The following DBX2 variants were observed in gnomAD, a reference collection of about 807,000 sequenced individuals.
The protein encoded by DBX2 is developing brain homeobox 2.
In DBX2, 16 loss-of-function variants were observed where a neutral mutation model predicts 17.7. That is an observed-to-expected ratio of 0.90 (90% CI 0.61 to 1.37). The LOEUF (loss-of-function observed/expected upper bound fraction) is 1.37, where lower values mean the gene tolerates loss of function less well. Among genes scored for constraint, DBX2 ranks in the 40% most tolerant of loss-of-function variants. The probability of loss-of-function intolerance (pLI) is 0.00; values close to 1 mark genes in which losing one functional copy is unlikely to be tolerated. For missense variants in DBX2, 538 were observed against 433.8 expected, an observed-to-expected ratio of 1.24 and a Z score of -2.13; for synonymous variants, 255 against 183.8, an observed-to-expected ratio of 1.39 and a Z score of -3.13.
In DBX2 at chr12:45,016,627, A is replaced by G; in HGVS notation, c.688-9T>C. The G allele has an allele frequency of 6.6e-7, 1 of 1,516,358 alleles. No homozygotes were observed. The highest frequency in any genetic ancestry group is 2.3e-5 in the East Asian group (1 of 43,678). 93.9% of individuals were successfully genotyped at this position (1,516,358 alleles called of 1,614,324 possible). ...TGAAACCAAATTTTCACCTATTGAC[A>G]AAATAATTGCACAAAATGATCACTT... On this transcript the variant is annotated splice_polypyrimidine_tract_variant and intron_variant, in intron 3 of 3. Coordinates refer to ENST00000332700, the MANE Select transcript of DBX2 (RefSeq NM_001004329.3).
At chr12:45,050,395 G>T in intron 1 of DBX2, 130 bp downstream of exon 1, 3 of 1,293,166 alleles carry the variant, frequency 2.3e-6, no homozygotes, top group Non-Finnish European at 3.1e-6. Flanking sequence ...ACTAAAGCTC[G>T]AGATGCTCCA....
chr12:45,035,836 A>G (rs1946437170), intron 2 of DBX2, among the ~76,000 whole-genome samples, 183 bp downstream of exon 2: 1 of 152,160 alleles, frequency 6.6e-6, no homozygotes, highest in African/African-American at 2.4e-5. Context: ...ACTGCTCACA[A>G]TTGCTCAGTG....
intron 1 of DBX2, among the ~76,000 whole-genome samples, chr12:45,042,943 G>C (rs1485018465): frequency 5.3e-5 from 8 of 152,120 alleles, no homozygotes; most frequent in Admixed American, 3.3e-4. Flanking sequence ...ACCCTTCAGG[G>C]AGTCTCAATT....
At chr12:45,047,327 T>A (rs896205917) in intron 1 of DBX2, among the ~76,000 whole-genome samples, 1 of 152,158 alleles carries the variant, frequency 6.6e-6, no homozygotes, top group African/African-American at 2.4e-5. Context: ...TAAACTATAA[T>A]ACAACCATGA....
In DBX2 at chr12:45,016,515, G is replaced by A; in HGVS notation, c.791C>T (p.Pro264Leu). The A allele has an allele frequency of 2.5e-6, 4 of 1,612,570 alleles. No individual in the cohort carries two copies. Among genetic ancestry groups the A allele is most frequent in the Non-Finnish European group, 3.4e-6 (4 of 1,179,486 alleles). ...CIQEVGLQED[P>L]LSRSALGFPS... ...GAAACCCAGAGCAGACCGTGAGAGG[G>A]GATCCTCTTGAAGACCTACTTCTTG... Residue 264 changes from proline (P) to leucine (L), a missense_variant, in exon 4 of 4, where the codon CCC (proline) becomes CTC (leucine). Coordinates refer to ENST00000332700, the MANE Select transcript of DBX2 (RefSeq NM_001004329.3).
In DBX2 at chr12:45,029,819, A is replaced by C. The variant is rs1946399207; in HGVS notation, c.500-5925T>G. Among the ~76,000 whole-genome samples, 3 of 152,008 alleles carry C rather than the reference A, an allele frequency of 2.0e-5. No individual in the cohort carries two copies. In the South Asian group the frequency reaches 6.2e-4, roughly 32 times the overall value. On this transcript the variant is annotated intron_variant, in intron 2 of 3. Transcript: ENST00000332700. ...GCACAGGTTGTAGCAAGCCGAGATC[A>C]TGCCACTGCACTCCAGGCTAGACGG...
At chr12:45,020,433 C>A (rs999337316) in intron 3 of DBX2, among the ~76,000 whole-genome samples, 2 of 151,958 alleles carry the variant, frequency 1.3e-5, no homozygotes, top group Non-Finnish European at 2.9e-5. Flanking sequence ...TTTGTCTACA[C>A]ACTGAGTAAT....
chr12:45,043,128 A>G (rs1946480714), intron 1 of DBX2, among the ~76,000 whole-genome samples: 2 of 152,202 alleles, frequency 1.3e-5, no homozygotes, highest in African/African-American at 4.8e-5. Context: ...AGACAGACCT[A>G]GCAGGAAGTG....
chr12:45,016,553 G>A lies in DBX2; in HGVS notation c.753C>T (p.Ser251=), dbSNP rs946909885. The change falls in exon 4 of 4, where the codon TCC becomes TCT. Residue 251 remains serine, a synonymous_variant. Transcript: ENST00000332700. ...GACCTACTTCTTGGATACACCTGTTGGAAAGCACTTCCTTTTCTTTGGAAT... is the reference window on the plus strand; with the variant it reads ...GACCTACTTCTTGGATACACCTGTTAGAAAGCACTTCCTTTTCTTTGGAAT... The part of the protein sequence containing the change: ...WRNSKEKEVL[S]NRCIQEVGLQ... 3.8e-6 allele frequency: 6 copies of A among 1,581,880 alleles called. No individual in the cohort carries two copies. In the East Asian group the frequency reaches 1.4e-4, roughly 36 times the overall value.
At chr12:45,049,991 G>C (rs138130682) in intron 1 of DBX2, among the ~76,000 whole-genome samples, 37 of 152,144 alleles carry the variant, frequency 2.4e-4, no homozygotes, top group African/African-American at 8.4e-4. Flanking sequence ...GAGAAAGCCA[G>C]AACTTTGCGC....
At chr12:45,018,949 G>A (rs1214116366) in intron 3 of DBX2, among the ~76,000 whole-genome samples, 4 of 151,522 alleles carry the variant, frequency 2.6e-5, no homozygotes, top group African/African-American at 9.7e-5. Flanking sequence ...GTCATTAATA[G>A]AAACATAAAG....
At position 45,023,913 on chromosome 12, in the gene DBX2, G is replaced by C. The variant is rs780081760; in HGVS notation, c.500-19C>G. 3.2e-5 allele frequency: 49 copies of C among 1,530,736 alleles called. No homozygotes were observed. Among genetic ancestry groups the C allele is most frequent in the Middle Eastern group, 1.8e-4 (1 of 5,656 alleles). The allele number at this position is 1,530,736 out of a possible 1,614,324, so 94.8% of individuals were successfully genotyped here. On this transcript the variant is annotated intron_variant, in intron 2 of 3. Coordinates refer to ENST00000332700, the MANE Select transcript of DBX2 (RefSeq NM_001004329.3). ...TCTTCTCCTAGAGTCGAGGGAAAAA[G>C]ATACAAAAGCCCAGTTAGCTTTAGA...
rs1349405735 is a variant in DBX2, at chr12:45,022,296, C to G, written c.687+1411G>C. 4.4e-5 allele frequency among the ~76,000 whole-genome samples: 4 copies of G among 91,282 alleles called. No individual in the cohort carries two copies. In the East Asian group the frequency reaches 1.5e-3, roughly 35 times the overall value. The allele number at this position is 91,282 out of a possible 152,430, so 59.9% of individuals were successfully genotyped here. On this transcript the variant is annotated intron_variant, in intron 3 of 3. Transcript: ENST00000332700. ...CAAGGAGAGTTTAGTCCAATAATAA[C>G]TGTTTTTTTTTTTTTTTTTTTTTTT...
chr12:45,022,818 A>G (rs1565580773), intron 3 of DBX2, among the ~76,000 whole-genome samples: 1 of 152,186 alleles, frequency 6.6e-6, no homozygotes, highest in Non-Finnish European at 1.5e-5. Context: ...CCTTTTGGCC[A>G]GACGCCTTTG....
intron 2 of DBX2, among the ~76,000 whole-genome samples, chr12:45,027,890 G>A (rs1374008190): frequency 1.3e-5 from 2 of 152,208 alleles, no homozygotes; most frequent in Non-Finnish European, 2.9e-5. Flanking sequence ...GGTGTTCATA[G>A]TCGATAAGAA....
intron 2 of DBX2, among the ~76,000 whole-genome samples, chr12:45,026,322 C>A (rs34089464): frequency 0.075 from 11,448 of 152,210 alleles, 554 homozygotes; most frequent in Admixed American, 0.12. Context: ...AGAAGCAGGG[C>A]AGGACATAAT....
chr12:45,033,303 T>C (rs529983742), intron 2 of DBX2, among the ~76,000 whole-genome samples: 1 of 152,232 alleles, frequency 6.6e-6, no homozygotes, highest in Non-Finnish European at 1.5e-5. Flanking sequence ...ATGAGGGCCA[T>C]TGATTTAATC....
intron 3 of DBX2, among the ~76,000 whole-genome samples, chr12:45,017,446 T>C (rs745451820): frequency 2.0e-4 from 30 of 152,214 alleles, no homozygotes; most frequent in Non-Finnish European, 1.8e-4. Flanking sequence ...AATCCATGAT[T>C]GTCTGACTCC....
intron 1 of DBX2, among the ~76,000 whole-genome samples, chr12:45,046,935 C>T (rs529386223): frequency 6.6e-6 from 1 of 152,228 alleles, no homozygotes; most frequent in East Asian, 1.9e-4. Context: ...CATTTGCTTT[C>T]CAATCCTTTC....
Sources: gnomAD v4.1 joint callset for allele counts (sites outside exome capture counted in the v4.1 genomes callset) on GRCh38, gnomAD v4.1.1 for gene constraint, MANE v1.5 for transcripts, NCBI Gene and HGNC (gene_info 2026-07-23, HGNC 2026-07-21) for gene names.